CEP57: variants seen among roughly 807,000 people sequenced by gnomAD.
CEP57 encodes centrosomal protein of 57 kDa.
In CEP57, 40 loss-of-function variants were observed where a neutral mutation model predicts 68.0. The observed-to-expected ratio is 0.59, with a 90% CI of 0.46 to 0.77. CEP57 has a LOEUF of 0.77. Ranked by LOEUF, CEP57 falls within the 30% of genes least tolerant of loss-of-function variation. The pLI is 0.00. For synonymous variants in CEP57, 219 were observed against 198.7 expected (o/e 1.10, Z -0.86); for missense variants, 606 against 580.7 (o/e 1.04, Z -0.45).
At chr11:95,823,636 TAA>T (rs1253986630) in intron 8 of CEP57, among the ~76,000 whole-genome samples, 1 of 151,384 alleles carries the variant, frequency 6.6e-6, no homozygotes, top group African/African-American at 2.4e-5. Flanking sequence ...TAAACAGAGA[TAA>T]AGATGCAGTA....
At chr11:95,797,028 T>C (rs1257295328) in intron 1 of CEP57, among the ~76,000 whole-genome samples, 2 of 152,184 alleles carry the variant, frequency 1.3e-5, no homozygotes, top group African/African-American at 2.4e-5. Context: ...TCAAGAGTTT[T>C]CATTGAGCTT....
chr11:95,822,084 T>A (rs1451995821), intron 7 of CEP57, 106 bp downstream of exon 7: 13 of 783,580 alleles, frequency 1.7e-5, no homozygotes, highest in Middle Eastern at 7.1e-4. Context: ...AGAGTAAATC[T>A]TTCATTCTCA....
At chr11:95,826,423 C>T (rs1862745869) in intron 8 of CEP57, 1 of 152,168 alleles carries the variant, frequency 6.6e-6, no homozygotes, top group Admixed American at 6.5e-5. Context: ...ACAACATACA[C>T]TGGAGCCTGT....
At chr11:95,829,367 T>C in intron 10 of CEP57, 36 bp downstream of exon 10, 1 of 1,571,900 alleles carries the variant, frequency 6.4e-7, no homozygotes, top group Non-Finnish European at 8.7e-7. Flanking sequence ...TTTCTAATGA[T>C]TAAGAAAAAA....
chr11:95,799,370 C>G lies in CEP57; in HGVS notation c.184C>G (p.Pro62Ala). ...RSPSKPTLAY[P>A]ESNSRAIFSA... is the part of the protein sequence containing the mutation. Reference sequence around the variant, plus strand: ...CCCAAGTAAGCCTACACTTGCCTATCCAGAAAGCAACAGCAGAGGTAATCG... The same window carrying G: ...CCCAAGTAAGCCTACACTTGCCTATGCAGAAAGCAACAGCAGAGGTAATCG... Residue 62 changes from proline to alanine, a missense_variant, in exon 2 of 11, where the codon CCA (proline) becomes GCA (alanine). Pro to Ala is a conservative substitution (Grantham distance 27, BLOSUM62 -1). Transcript: ENST00000325542. The G allele has an allele frequency of 6.2e-7, 1 of 1,613,970 alleles. No homozygotes were observed. The highest frequency in any genetic ancestry group is 8.5e-7 in the Non-Finnish European group (1 of 1,179,900).
intron 2 of CEP57, among the ~76,000 whole-genome samples, chr11:95,807,391 T>C (rs1861848702): frequency 6.6e-6 from 1 of 152,174 alleles, no homozygotes; most frequent in African/African-American, 2.4e-5. Flanking sequence ...AGAAGAAGGC[T>C]TCAAACGATC....
chr11:95,818,944 T>TA (rs1862414681), intron 6 of CEP57, 40 bp downstream of exon 6: 2 of 1,466,754 alleles, frequency 1.4e-6, no homozygotes, highest in Non-Finnish European at 1.9e-6. Flanking sequence ...TCATATTTCT[T>TA]ACCGCTTTTT....
intron 9 of CEP57, 109 bp from the exon 10 acceptor site, chr11:95,829,078 A>G (rs1862880322): frequency 1.7e-6 from 2 of 1,198,360 alleles, no homozygotes; most frequent in Admixed American, 2.0e-5. Context: ...TGTTCAAAAA[A>G]TGGAGTCATT....
intron 6 of CEP57, 138 bp downstream of exon 6, chr11:95,819,042 T>C (rs1317073382): frequency 1.4e-6 from 1 of 706,172 alleles, no homozygotes; most frequent in African/African-American, 1.8e-5. Flanking sequence ...TATAGGTTAA[T>C]GTAGAAAATT....
intron 1 of CEP57, among the ~76,000 whole-genome samples, chr11:95,792,055 T>C (rs1191024559): frequency 6.6e-6 from 1 of 152,112 alleles, no homozygotes; most frequent in Non-Finnish European, 1.5e-5. Flanking sequence ...TTTGGAGACT[T>C]GTTAGAATTT....
intron 10 of CEP57, among the ~76,000 whole-genome samples, chr11:95,829,736 C>T (rs1245323864): frequency 6.6e-6 from 1 of 152,104 alleles, no homozygotes; most frequent in Non-Finnish European, 1.5e-5. Context: ...CAATGTAGTA[C>T]TACCAGATGC....
chr11:95,801,491 C>T (rs1861578821), intron 2 of CEP57, among the ~76,000 whole-genome samples: 1 of 140,812 alleles, frequency 7.1e-6, no homozygotes, highest in Non-Finnish European at 1.5e-5. Context: ...CACAGTAGAG[C>T]AAAAATCAGT....
rs1414836328 is a variant in CEP57 at position 95,829,271 on chromosome 11, A to T, written c.1212A>T (p.Leu404Phe). 4 of 1,614,064 alleles carry T rather than the reference A, an allele frequency of 2.5e-6. No homozygotes were observed. Among genetic ancestry groups the T allele is most frequent in the African/African-American group, 2.7e-5 (2 of 75,048 alleles). Reference protein sequence around the residue: ...KDKLECELEALVGRMEAKANQ... With the variant: ...KDKLECELEAFVGRMEAKANQ... ...AGTTGGAGTGTGAATTGGAGGCATTAGTGGGAAGGATGGAAGCAAAAGCCA... is the reference window on the plus strand; with the variant it reads ...AGTTGGAGTGTGAATTGGAGGCATTTGTGGGAAGGATGGAAGCAAAAGCCA... The change falls in exon 10 of 11, where the codon TTA becomes TTT. Residue 404 changes from leucine to phenylalanine, a missense_variant. Transcript: ENST00000325542.
rs1002097178 is a variant in CEP57, at chr11:95,799,153, C to G, written c.46-79C>G. 4 of 1,412,070 alleles carry G rather than the reference C, an allele frequency of 2.8e-6. No homozygotes were observed. The African/African-American group carries it at 5.6e-5, about 20-fold the overall frequency. The allele number at this position is 1,412,070 out of a possible 1,614,324, so 87.5% of individuals were successfully genotyped here. On this transcript the variant is annotated intron_variant, in intron 1 of 10. Coordinates refer to ENST00000325542, the MANE Select transcript of CEP57 (RefSeq NM_014679.5). The stretch of plus-strand genomic sequence containing the variant: ...TGTTGTCTGTATGGACAGTCAATCT[C>G]AGTCATAAATATTTGTGATTTAAAT...
chr11:95,803,866 G>C (rs1861683081), intron 2 of CEP57, among the ~76,000 whole-genome samples: 1 of 152,090 alleles, frequency 6.6e-6, no homozygotes, highest in Non-Finnish European at 1.5e-5. Context: ...CTGGGTTTCA[G>C]CGTGTGTCCC....
intron 1 of CEP57, among the ~76,000 whole-genome samples, chr11:95,798,918 C>T (rs999191175): frequency 1.3e-5 from 2 of 152,028 alleles, no homozygotes; most frequent in Non-Finnish European, 2.9e-5. Context: ...TTTTTCTGAA[C>T]GTATATTTCA....
intron 2 of CEP57, among the ~76,000 whole-genome samples, chr11:95,807,665 G>A (rs995151607): frequency 1.3e-5 from 2 of 152,090 alleles, no homozygotes; most frequent in African/African-American, 4.8e-5. Context: ...GAGAAGTTTA[G>A]AGAAAAAAGA....
upstream of CEP57, chr11:95,790,352 C>G (rs749874281): frequency 6.5e-5 from 28 of 429,988 alleles, no homozygotes; most frequent in Non-Finnish European, 1.0e-4. Context: ...CAGAGCCGGC[C>G]TGTAACCCCG....
rs1862132432 is a variant in CEP57, at chr11:95,812,958, C to G, written c.229C>G (p.Gln77Glu). Residue 77 changes from glutamine to glutamate, a missense_variant, in exon 3 of 11, where the codon CAA becomes GAA. By Grantham distance (29) the Gln-to-Glu change is conservative (BLOSUM62 2). Transcript: ENST00000325542. ...CATATTTTCTGCTCTTAAGAATCTT[C>G]AAGATAAGATTCGACGCTTGGAACT... ...RAIFSALKNLQDKIRRLELER... is the reference protein window; with the variant it reads ...RAIFSALKNLEDKIRRLELER... 1 of 1,613,780 alleles carries G rather than the reference C, an allele frequency of 6.2e-7. No individual in the cohort carries two copies.
Sources: allele counts gnomAD v4.1 joint callset (sites outside exome capture counted in the v4.1 genomes callset), GRCh38; gene constraint gnomAD v4.1.1; transcripts MANE v1.5; gene names NCBI Gene and HGNC (gene_info 2026-07-23, HGNC 2026-07-21).